Variants in SDK1 observed in about 807,000 individuals in gnomAD.
The protein encoded by SDK1 is protein sidekick-1.
SDK1 carries 157 observed loss-of-function variants against 245.5 expected under a neutral mutation model. The observed-to-expected ratio is 0.64, with a 90% confidence interval of 0.56 to 0.73. The LOEUF (loss-of-function observed/expected upper bound fraction) is 0.73, where lower values mean the gene tolerates loss of function less well. SDK1 is among the 30% of genes least tolerant of loss of function. SDK1 has a pLI of 0.00. For missense variants in SDK1, 3,583 were observed against 3,002.3 expected (o/e 1.19, Z -4.52); for synonymous variants, 1,647 against 1,278.5 (o/e 1.29, Z -6.15).
chr7:3,952,498 A>T (rs1439720998), intron 7 of SDK1, among the ~76,000 whole-genome samples: 1 of 152,116 alleles, frequency 6.6e-6, no homozygotes, highest in African/African-American at 2.4e-5. Context: ...CACGAGAATC[A>T]CTTGAACCCA....
chr7:4,257,560 C>T (rs1468479114), intron 44 of SDK1, among the ~76,000 whole-genome samples: 2 of 152,214 alleles, frequency 1.3e-5, no homozygotes, highest in Non-Finnish European at 1.5e-5. Flanking sequence ...AGGGGCTGAG[C>T]AGGAGCCAGG....
At chr7:4,115,422 C>A (rs528450482) in intron 25 of SDK1, among the ~76,000 whole-genome samples, 1 of 152,308 alleles carries the variant, frequency 6.6e-6, no homozygotes, top group East Asian at 1.9e-4. Context: ...GAACAAGACT[C>A]CCCCACTCCT....
chr7:4,041,836 A>G (rs537698961), intron 17 of SDK1, among the ~76,000 whole-genome samples: 8 of 135,598 alleles, frequency 5.9e-5, no homozygotes, highest in Admixed American at 5.5e-4. Context: ...CTTTTTTGTG[A>G]CGGAGTCTCG....
chr7:3,944,862 G>A (rs1780511740), intron 5 of SDK1, among the ~76,000 whole-genome samples: 1 of 152,200 alleles, frequency 6.6e-6, no homozygotes, highest in African/African-American at 2.4e-5. Context: ...AACCACCTGG[G>A]GAGAGGGCCT....
intron 1 of SDK1, among the ~76,000 whole-genome samples, chr7:3,435,363 C>CTTTTTTTTTTTTTTT (rs1779992217): frequency 1.2e-5 from 1 of 83,236 alleles, no homozygotes; most frequent in African/African-American, 5.6e-5. Flanking sequence ...CGGAGTCTTG[C>CTTTTTTTTTTTTTTT]TTTGTTGCCC....
chr7:4,265,963 A>G lies in SDK1; in HGVS notation c.*579A>G. ...CTCACTTGGCAGTGTCTAGTCAAGG[A>G]GTCGGCTTTCAGGTTCCTGACGGCC... On this transcript the variant is annotated 3_prime_UTR_variant, in exon 45 of 45. Transcript: ENST00000404826. The G allele has an allele frequency of 1.0e-6, 1 of 985,636 alleles. No homozygotes were observed. Among genetic ancestry groups the G allele is most frequent in the South Asian group, 4.7e-5 (1 of 21,296 alleles). 61.1% of individuals were successfully genotyped at this position (985,636 alleles called of 1,614,324 possible). A position where few individuals can be genotyped will look rare whatever the true frequency, so the allele number is the denominator to read the frequency against.
At chr7:3,518,776 C>G (rs1320726885) in intron 1 of SDK1, among the ~76,000 whole-genome samples, 3 of 152,062 alleles carry the variant, frequency 2.0e-5, no homozygotes, top group Non-Finnish European at 4.4e-5. Flanking sequence ...GGAAGCTCCT[C>G]CAGCAATCCC....
Position 3,937,957 on chromosome 7 carries a change from C to T in SDK1, c.848-12966C>T, listed in dbSNP as rs552609088. 2.6e-5 allele frequency among the ~76,000 whole-genome samples: 4 copies of T among 152,220 alleles called. No homozygotes were observed. In the South Asian group the frequency reaches 8.3e-4, roughly 32 times the overall value. Reference sequence around the variant, plus strand: ...TGTTCAAGCAGTTCTCCTGTCTCAGCCTTCTGAGTAACTGGGATTACAGGC... The same window carrying T: ...TGTTCAAGCAGTTCTCCTGTCTCAGTCTTCTGAGTAACTGGGATTACAGGC... On this transcript the variant is annotated intron_variant, in intron 5 of 44. Transcript: ENST00000404826.
intron 35 of SDK1, among the ~76,000 whole-genome samples, chr7:4,199,024 A>G (rs754121274): frequency 1.6e-4 from 25 of 152,180 alleles, no homozygotes; most frequent in Non-Finnish European, 2.9e-4. Flanking sequence ...CATGTTGGCC[A>G]GGCTTGTCTT....
At chr7:3,957,511 A>G (rs977918872) in intron 7 of SDK1, among the ~76,000 whole-genome samples, 1 of 152,248 alleles carries the variant, frequency 6.6e-6, no homozygotes, top group African/African-American at 2.4e-5. Context: ...GAGGAAAACT[A>G]TAATTAATCA....
chr7:3,946,920 G>A lies in SDK1; in HGVS notation c.848-4003G>A, dbSNP rs966546679. ...CATTTTTGCCACTCACACCAGAGGC[G>A]TGCTTTTCTCTATTTAGCCCTTTGT... On this transcript the variant is annotated intron_variant, in intron 5 of 44. Coordinates refer to ENST00000404826, the MANE Select transcript of SDK1 (RefSeq NM_152744.4). Among the ~76,000 whole-genome samples, 6 of 152,174 alleles carry A rather than the reference G, an allele frequency of 3.9e-5. No homozygotes were observed. In the East Asian group the frequency reaches 9.6e-4, roughly 24 times the overall value.
At chr7:4,117,400 T>A (rs761313708) in intron 25 of SDK1, among the ~76,000 whole-genome samples, 3 of 152,162 alleles carry the variant, frequency 2.0e-5, no homozygotes, top group Non-Finnish European at 2.9e-5. Context: ...CCTGGGAGTT[T>A]GAGGCTGCAC....
At chr7:4,052,101 C>T (rs116775747) in intron 19 of SDK1, among the ~76,000 whole-genome samples, 1,537 of 151,984 alleles carry the variant, frequency 0.01, 20 homozygotes, top group South Asian at 0.029. Flanking sequence ...GTGGCCACAG[C>T]TTTGGTCTTG....
At chr7:4,073,949 G>A (rs1780444182) in intron 20 of SDK1, among the ~76,000 whole-genome samples, 1 of 145,578 alleles carries the variant, frequency 6.9e-6, no homozygotes, top group Admixed American at 6.7e-5. Flanking sequence ...GTTCCTCATA[G>A]GCTGAGCACT....
At position 3,721,537 on chromosome 7, in the gene SDK1, C is replaced by G. The variant is rs572835199; in HGVS notation, c.713+79432C>G. ...GGCTTCTAAAGTTTGGGAGGAGGGC[C>G]TTGAGATGATTTGGTAACACCTCTG... On this transcript the variant is annotated intron_variant, in intron 4 of 44. Transcript: ENST00000404826. Among the ~76,000 whole-genome samples the G allele has an allele frequency of 6.6e-5, 10 of 152,240 alleles. No homozygotes were observed. The East Asian group carries it at 1.7e-3, about 26-fold the overall frequency.
intron 1 of SDK1, among the ~76,000 whole-genome samples, chr7:3,617,831 A>G (rs1277637442): frequency 6.6e-6 from 1 of 152,188 alleles, no homozygotes; most frequent in Non-Finnish European, 1.5e-5. Context: ...TATTACTGTT[A>G]GAATGGCCAT....
chr7:4,101,638 G>A (rs958262368), intron 22 of SDK1, among the ~76,000 whole-genome samples: 2 of 152,186 alleles, frequency 1.3e-5, no homozygotes, highest in Non-Finnish European at 1.5e-5. Flanking sequence ...GGACGATGGT[G>A]TCGTGACCAG....
At chr7:3,572,789 G>C (rs17133566) in intron 1 of SDK1, among the ~76,000 whole-genome samples, 4 of 151,972 alleles carry the variant, frequency 2.6e-5, no homozygotes, top group African/African-American at 9.7e-5. Flanking sequence ...AGACAAGTGC[G>C]TGGGCTAAAC....
At chr7:3,686,012 A>T (rs1784271180) in intron 4 of SDK1, among the ~76,000 whole-genome samples, 1 of 152,242 alleles carries the variant, frequency 6.6e-6, no homozygotes, top group Non-Finnish European at 1.5e-5. Flanking sequence ...AAGCTCACTT[A>T]AAGTGCAATG....
Sources: allele counts gnomAD v4.1 joint callset (sites outside exome capture counted in the v4.1 genomes callset), GRCh38; gene constraint gnomAD v4.1.1; transcripts MANE v1.5; gene names NCBI Gene and HGNC (gene_info 2026-07-23, HGNC 2026-07-21).